The following PRR5L variants were observed in gnomAD, a reference collection of about 807,000 sequenced individuals.
PRR5L encodes the protein proline rich 5 like.
PRR5L carries 21 observed loss-of-function variants against 36.4 expected under a neutral mutation model. That is an observed-to-expected ratio of 0.58 (90% CI 0.41 to 0.83). The LOEUF is 0.83. PRR5L is among the 40% of genes least tolerant of loss of function. The pLI is 0.00. For synonymous variants in PRR5L, 188 were observed against 197.0 expected (o/e 0.95, Z 0.38); for missense variants, 381 against 473.3 (o/e 0.80, Z 1.81).
chr11:36,322,359 A>T (rs1238526431), intron 1 of PRR5L, among the ~76,000 whole-genome samples: 1 of 152,116 alleles, frequency 6.6e-6, no homozygotes, highest in African/African-American at 2.4e-5. Context: ...CAATATGTAC[A>T]CCATAAATTC....
At chr11:36,329,711 G>A (rs1856699882) in intron 1 of PRR5L, among the ~76,000 whole-genome samples, 1 of 152,066 alleles carries the variant, frequency 6.6e-6, no homozygotes, top group Non-Finnish European at 1.5e-5. Flanking sequence ...ACCTCATATT[G>A]GACCTTTAAA....
intron 1 of PRR5L, among the ~76,000 whole-genome samples, chr11:36,330,556 A>G (rs574596976): frequency 6.6e-6 from 1 of 152,144 alleles, no homozygotes; most frequent in Non-Finnish European, 1.5e-5. Context: ...AACATGAAGC[A>G]CTTTGCCCAG....
rs1470468827 is a variant in PRR5L, at chr11:36,464,300, T to TGAA, written c.*1567_*1569dup. The TGAA allele has an allele frequency of 6.6e-6, 1 of 152,188 alleles. No homozygotes were observed. Among genetic ancestry groups the TGAA allele is most frequent in the Non-Finnish European group, 1.5e-5 (1 of 68,046 alleles). The allele number at this position is 152,188 out of a possible 1,614,324, so 9.4% of individuals were successfully genotyped here. A position where few individuals can be genotyped will look rare whatever the true frequency, so the allele number is the denominator to read the frequency against. On this transcript the variant is annotated 3_prime_UTR_variant, in exon 9 of 9. Transcript: ENST00000530639. ...ATGGCAAGAGGGTGCTGGGAGAAGG[T>TGAA]GAAGATCAGTCTAAGCTGCCACGGT...
intron 1 of PRR5L, among the ~76,000 whole-genome samples, chr11:36,341,287 C>G (rs1464798965): frequency 6.6e-6 from 1 of 152,092 alleles, no homozygotes. Flanking sequence ...ACGCTTGGCT[C>G]AAGTCAGAAT....
At chr11:36,414,993 C>G (rs550696127) in intron 3 of PRR5L, among the ~76,000 whole-genome samples, 4 of 143,768 alleles carry the variant, frequency 2.8e-5, no homozygotes, top group Admixed American at 2.1e-4. Flanking sequence ...GCTTGTTTTT[C>G]TCAGGTTTGT....
chr11:36,436,842 G>T (rs1469289571), intron 5 of PRR5L, among the ~76,000 whole-genome samples: 1 of 152,098 alleles, frequency 6.6e-6, no homozygotes, highest in Admixed American at 6.5e-5. Flanking sequence ...ATATCTTATA[G>T]GTAAGTAAAC....
intron 1 of PRR5L, among the ~76,000 whole-genome samples, chr11:36,365,079 C>T (rs1021195508): frequency 9.2e-5 from 14 of 152,178 alleles, no homozygotes; most frequent in African/African-American, 3.4e-4. Flanking sequence ...AATGTAAACT[C>T]AGTAAATAAT....
chr11:36,327,777 CTCTT>C (rs1235995253), intron 1 of PRR5L, among the ~76,000 whole-genome samples: 1 of 152,226 alleles, frequency 6.6e-6, no homozygotes, highest in Non-Finnish European at 1.5e-5. Context: ...TAGATAATAA[CTCTT>C]TCAACCAACT....
chr11:36,405,678 G>T (rs531623248), intron 3 of PRR5L, among the ~76,000 whole-genome samples: 1 of 152,166 alleles, frequency 6.6e-6, no homozygotes, highest in Non-Finnish European at 1.5e-5. Context: ...GTAGTCTACC[G>T]GGGCTGCCAT....
chr11:36,358,174 A>G (rs948153849), intron 1 of PRR5L, among the ~76,000 whole-genome samples: 1 of 152,276 alleles, frequency 6.6e-6, no homozygotes, highest in African/African-American at 2.4e-5. Flanking sequence ...AATTTAGTTG[A>G]TAAAGCAGCG....
chr11:36,392,891 T>C (rs1857591267), intron 1 of PRR5L, among the ~76,000 whole-genome samples: 1 of 152,164 alleles, frequency 6.6e-6, no homozygotes, highest in Non-Finnish European at 1.5e-5. Context: ...TAATTCAACA[T>C]GAGATTTGGG....
intron 5 of PRR5L, among the ~76,000 whole-genome samples, chr11:36,434,466 C>T (rs779580862): frequency 6.6e-6 from 1 of 152,192 alleles, no homozygotes; most frequent in Admixed American, 6.5e-5. Flanking sequence ...TCTATATATA[C>T]ACACCCCTTC....
intron 3 of PRR5L, among the ~76,000 whole-genome samples, chr11:36,417,651 CT>C (rs1472101509): frequency 1.3e-5 from 2 of 152,230 alleles, no homozygotes; most frequent in African/African-American, 4.8e-5. Context: ...GTGTTTGTGG[CT>C]TTCCAGGGCT....
At chr11:36,351,511 TTA>T (rs1491102478) in intron 1 of PRR5L, among the ~76,000 whole-genome samples, 1,541 of 12,370 alleles carry the variant, frequency 0.12, 557 homozygotes, top group African/African-American at 0.46. Flanking sequence ...TTTTATATAT[TTA>T]TATATATTTA....
intron 1 of PRR5L, among the ~76,000 whole-genome samples, chr11:36,384,914 T>C (rs2133533297): frequency 6.6e-6 from 1 of 151,828 alleles, no homozygotes; most frequent in African/African-American, 2.4e-5. Flanking sequence ...AAAGGGATTC[T>C]CCCACTTTGG....
chr11:36,387,389 A>C (rs1857477537), intron 1 of PRR5L, among the ~76,000 whole-genome samples: 1 of 152,094 alleles, frequency 6.6e-6, no homozygotes, highest in Non-Finnish European at 1.5e-5. Context: ...CACGTTGTGC[A>C]CATGTACCCT....
intron 3 of PRR5L, among the ~76,000 whole-genome samples, chr11:36,418,771 G>C (rs1369815138): frequency 6.6e-6 from 1 of 152,046 alleles, no homozygotes; most frequent in Non-Finnish European, 1.5e-5. Context: ...ACTCCAGCCT[G>C]GGAGACAGAG....
intron 1 of PRR5L, among the ~76,000 whole-genome samples, chr11:36,360,959 G>T (rs1390841715): frequency 6.6e-6 from 1 of 152,166 alleles, no homozygotes; most frequent in Non-Finnish European, 1.5e-5. Flanking sequence ...GTGAAGTCAC[G>T]CAGGGCCCCA....
intron 7 of PRR5L, among the ~76,000 whole-genome samples, chr11:36,446,737 G>A (rs1858840209): frequency 6.6e-6 from 1 of 152,114 alleles, no homozygotes; most frequent in Non-Finnish European, 1.5e-5. Context: ...GTGATGCCAG[G>A]GAGCCACAAG....
Sources: gnomAD v4.1 joint callset for allele counts (sites outside exome capture counted in the v4.1 genomes callset) on GRCh38, gnomAD v4.1.1 for gene constraint, MANE v1.5 for transcripts, NCBI Gene and HGNC (gene_info 2026-07-23, HGNC 2026-07-21) for gene names.